The following L3MBTL1 variants were observed in gnomAD, a reference collection of about 807,000 sequenced individuals.
L3MBTL1 encodes the protein L3MBTL histone methyl-lysine binding protein 1, also known as lethal(3)malignant brain tumor-like protein 1.
Under a neutral mutation model 105.3 loss-of-function variants are expected in L3MBTL1, and 75 were observed. The ratio of observed to expected loss-of-function variants is 0.71; its 90% confidence interval spans 0.59 to 0.86. The LOEUF (loss-of-function observed/expected upper bound fraction) is 0.86. Among genes scored for constraint, L3MBTL1 ranks in the 40% least tolerant of loss-of-function variants. The pLI, the probability that L3MBTL1 is intolerant of heterozygous loss-of-function variation, is 0.00. For synonymous variants in L3MBTL1, 452 were observed against 436.2 expected, an observed-to-expected ratio of 1.04 and a Z score of -0.45; for missense variants, 1,069 against 1,126.4, an observed-to-expected ratio of 0.95 and a Z score of 0.73.
chr20:43,534,897 G>C lies in L3MBTL1; in HGVS notation c.1780G>C (p.Ala594Pro). The C allele has an allele frequency of 1.9e-6, 3 of 1,608,324 alleles. No homozygotes were observed. The highest frequency in any genetic ancestry group is 2.5e-6 in the Non-Finnish European group (3 of 1,179,394). Reference sequence around the variant, plus strand: ...CGCTGACCACCCAGACATCCACCCTGCCGGCTGGTGCTCCAAGACAGGACA... The same window carrying C: ...CGCTGACCACCCAGACATCCACCCTCCCGGCTGGTGCTCCAAGACAGGACA... ...IDADHPDIHP[A>P]GWCSKTGHPL... The change falls in exon 16 of 22, where the codon GCC becomes CCC. Residue 594 changes from alanine to proline, a missense_variant. Coordinates refer to ENST00000418998, the MANE Select transcript of L3MBTL1 (RefSeq NM_001377303.1).
At chr20:43,520,864 T>C (rs943557396) in intron 7 of L3MBTL1, among the ~76,000 whole-genome samples, 3 of 152,226 alleles carry the variant, frequency 2.0e-5, no homozygotes, top group African/African-American at 4.8e-5. Context: ...CAGCACTTAC[T>C]TAACTGTGGT....
chr20:43,532,732 C>T (rs763620996), intron 11 of L3MBTL1, 41 bp from the exon 12 acceptor site: 8 of 1,612,438 alleles, frequency 5.0e-6, no homozygotes, highest in South Asian at 2.2e-5. Context: ...TGGTCTTAGC[C>T]AGCTTGGCCC....
intron 7 of L3MBTL1, among the ~76,000 whole-genome samples, chr20:43,522,425 A>T (rs2018762718): frequency 7.5e-6 from 1 of 134,050 alleles, no homozygotes; most frequent in Non-Finnish European, 1.6e-5. Context: ...TATCTGTGGG[A>T]TTGTAATGGT....
At chr20:43,537,962 T>C (rs2019716063) in intron 19 of L3MBTL1, among the ~76,000 whole-genome samples, 1 of 152,220 alleles carries the variant, frequency 6.6e-6, no homozygotes, top group African/African-American at 2.4e-5. Flanking sequence ...ATAATAATCG[T>C]ACCCACCGTA....
Position 43,541,646 on chromosome 20 carries a change from C to A in L3MBTL1, c.*518C>A, listed in dbSNP as rs2145497908. The A allele has an allele frequency of 5.3e-6, 1 of 187,158 alleles. No individual in the cohort carries two copies. Among genetic ancestry groups the A allele is most frequent in the East Asian group, 1.8e-4 (1 of 5,482 alleles). The allele number at this position is 187,158 out of a possible 1,614,324, so 11.6% of individuals were successfully genotyped here. A position where few individuals can be genotyped will look rare whatever the true frequency, so the allele number is the denominator to read the frequency against. On this transcript the variant is annotated 3_prime_UTR_variant, in exon 22 of 22. Coordinates refer to ENST00000418998, the MANE Select transcript of L3MBTL1 (RefSeq NM_001377303.1). ...CATTATTACTGAATGTCAGTCATTT[C>A]CCCTACTTGATCTGCAATGCCAATA...
chr20:43,546,404 T>C (rs149946905), downstream of L3MBTL1, among the ~76,000 whole-genome samples: 1,029 of 152,316 alleles, frequency 6.8e-3, 2 homozygotes, highest in Middle Eastern at 0.01. Flanking sequence ...AGGTATATCT[T>C]GGGCAAATTC....
At chr20:43,530,995 C>G in intron 11 of L3MBTL1, 106 bp downstream of exon 11, 1 of 910,196 alleles carries the variant, frequency 1.1e-6, no homozygotes, top group East Asian at 2.6e-5. Context: ...TGCTGGTTCT[C>G]TCAGCTTTGT....
In L3MBTL1 at chr20:43,540,931, C is replaced by T. The variant is rs1600966199; in HGVS notation, c.2395-3C>T. ...TAAGGAGGGACCCGTGTTGCCCCAC[C>T]AGGCAAGAATAGTCAGAGTGACCCA... On this transcript the variant is annotated splice_polypyrimidine_tract_variant and splice_region_variant and intron_variant, in intron 21 of 21. Coordinates refer to ENST00000418998, the MANE Select transcript of L3MBTL1 (RefSeq NM_001377303.1). 6.2e-7 allele frequency: 1 copy of T among 1,614,000 alleles called. No individual in the cohort carries two copies. The highest frequency in any genetic ancestry group is 8.5e-7 in the Non-Finnish European group (1 of 1,179,916).
chr20:43,514,567 G>A (rs1262038878), intron 3 of L3MBTL1, 68 bp from the exon 4 acceptor site: 1 of 1,594,940 alleles, frequency 6.3e-7, no homozygotes, highest in East Asian at 2.3e-5. Context: ...GAGGGCCATG[G>A]CACCGACTCC....
intron 15 of L3MBTL1, 37 bp from the exon 16 acceptor site, chr20:43,534,791 G>A (rs1381132196): frequency 1.3e-6 from 2 of 1,504,942 alleles, no homozygotes; most frequent in South Asian, 2.3e-5. Context: ...TGGGCTCCAT[G>A]AGAAACGCCT....
Position 43,514,666 on chromosome 20 carries a change from TGGC to T in L3MBTL1, c.395_397del (p.Ala132del), listed in dbSNP as rs1017397557. Reference sequence around the variant, plus strand: ...ATAAGCGAGTATAAGCCGCTGAACATGGCGGGAGTGGAGCAGCCCCCGAGCCCC... The same window carrying T: ...ATAAGCGAGTATAAGCCGCTGAACATGGGAGTGGAGCAGCCCCCGAGCCCC... On this transcript the variant is annotated inframe_deletion, in exon 4 of 22. Coordinates refer to ENST00000418998, the MANE Select transcript of L3MBTL1 (RefSeq NM_001377303.1). 20 of 1,591,502 alleles carry T rather than the reference TGGC, an allele frequency of 1.3e-5. No individual in the cohort carries two copies. The highest frequency in any genetic ancestry group is 1.5e-5 in the Non-Finnish European group (18 of 1,169,654).
At chr20:43,512,962 C>G in intron 1 of L3MBTL1, among the ~76,000 whole-genome samples, 1 of 152,130 alleles carries the variant, frequency 6.6e-6, no homozygotes, top group East Asian at 1.9e-4. Flanking sequence ...TGGACAGGGC[C>G]ATAAAAGAAC....
chr20:43,508,192 CTCTT>C (rs1441066623), intron 1 of L3MBTL1, among the ~76,000 whole-genome samples: 15 of 148,398 alleles, frequency 1.0e-4, no homozygotes, highest in East Asian at 3.9e-4. Flanking sequence ...TTGTTTCTCT[CTCTT>C]TTTTTTTTTT....
In L3MBTL1 at chr20:43,541,259, T is replaced by C. The variant is rs1317593082; in HGVS notation, c.*131T>C. The stretch of plus-strand genomic sequence containing the variant: ...TCAAGAGCCAAGGAGTAGTGAGTTG[T>C]AGATAAAAAAAGAATGTCAGCTTTG... On this transcript the variant is annotated 3_prime_UTR_variant, in exon 22 of 22. Coordinates refer to ENST00000418998, the MANE Select transcript of L3MBTL1 (RefSeq NM_001377303.1). 20 of 1,459,496 alleles carry C rather than the reference T, an allele frequency of 1.4e-5. No homozygotes were observed. Among genetic ancestry groups the C allele is most frequent in the Non-Finnish European group, 1.6e-5 (18 of 1,107,360 alleles). The allele number at this position is 1,459,496 out of a possible 1,614,324, so 90.4% of individuals were successfully genotyped here.
rs762485723 is a variant in L3MBTL1, at chr20:43,536,397, G to A, written c.2124-12G>A. The stretch of plus-strand genomic sequence containing the variant: ...TGATTCCCTGCCATGGACCTGGTCC[G>A]TCTTTCTCCAGAATTGGACGCCCTC... On this transcript the variant is annotated splice_polypyrimidine_tract_variant and intron_variant, in intron 18 of 21. Coordinates refer to ENST00000418998, the MANE Select transcript of L3MBTL1 (RefSeq NM_001377303.1). 35 of 1,613,908 alleles carry A rather than the reference G, an allele frequency of 2.2e-5. No homozygotes were observed. The highest frequency in any genetic ancestry group is 1.6e-4 in the Middle Eastern group (1 of 6,082).
Position 43,513,997 on chromosome 20 carries a change from C to A in L3MBTL1, c.296C>A (p.Thr99Asn), listed in dbSNP as rs368609216. Residue 99 changes from threonine to asparagine, a missense_variant, in exon 3 of 22, where the codon ACC (threonine) becomes AAC (asparagine). Thr to Asn is a moderately conservative substitution (Grantham distance 65, BLOSUM62 0). Transcript: ENST00000418998. ...QLSAGPASSS[T>N]STVRLLEWTE... ...AGCGCCGGGCCGGCCAGCTCCAGCA[C>A]CAGCACAGTGCGGCTTCTGGAATGG... The A allele has an allele frequency of 7.1e-6, 11 of 1,543,616 alleles. 1 individual carries two copies. The highest frequency in any genetic ancestry group is 3.9e-5 in the Admixed American group (2 of 51,008).
intron 1 of L3MBTL1, among the ~76,000 whole-genome samples, chr20:43,511,335 G>A (rs1290659096): frequency 6.6e-6 from 1 of 152,112 alleles, no homozygotes. Context: ...TAAGACAGAC[G>A]GTCAGCATTT....
At chr20:43,547,963 C>A in intron 18 of L3MBTL1, 1 of 361,786 alleles carries the variant, frequency 2.8e-6, no homozygotes, top group South Asian at 2.5e-5. Context: ...CTTTCTCTCC[C>A]CTTCTCTCCT....
At chr20:43,520,584 C>T (rs1250321670) in intron 7 of L3MBTL1, among the ~76,000 whole-genome samples, 2 of 152,184 alleles carry the variant, frequency 1.3e-5, no homozygotes, top group Non-Finnish European at 2.9e-5. Context: ...TTATTATGGT[C>T]ATTCTAGAGG....
Sources: gnomAD v4.1 joint callset for allele counts (sites outside exome capture counted in the v4.1 genomes callset) on GRCh38, gnomAD v4.1.1 for gene constraint, MANE v1.5 for transcripts, NCBI Gene and HGNC (gene_info 2026-07-23, HGNC 2026-07-21) for gene names.